TDRD12: variants seen among roughly 807,000 people sequenced by gnomAD.
TDRD12 encodes the protein putative ATP-dependent RNA helicase TDRD12.
TDRD12 carries 158 observed loss-of-function variants against 133.5 expected under a neutral mutation model. The ratio of observed to expected loss-of-function variants is 1.18; its 90% confidence interval spans 1.04 to 1.35. The LOEUF (loss-of-function observed/expected upper bound fraction) is 1.35, where lower values mean the gene tolerates loss of function less well. TDRD12 is among the 40% of genes most tolerant of loss of function. The probability of loss-of-function intolerance (pLI) is 0.00; values close to 1 mark genes in which losing one functional copy is unlikely to be tolerated. For synonymous variants in TDRD12, 460 were observed against 477.9 expected (o/e 0.96, Z 0.49); for missense variants, 1,443 against 1,321.3 (o/e 1.09, Z -1.43).
intron 14 of TDRD12, among the ~76,000 whole-genome samples, chr19:32,797,458 T>C (rs1286756328): frequency 1.3e-5 from 2 of 152,160 alleles, no homozygotes; most frequent in Non-Finnish European, 2.9e-5. Flanking sequence ...TCCTCACCTC[T>C]GAAGTGAAGC....
At chr19:32,807,733 G>C (rs1161242943) in intron 22 of TDRD12, 85 bp downstream of exon 22, 8 of 974,030 alleles carry the variant, frequency 8.2e-6, no homozygotes, top group Non-Finnish European at 1.2e-5. Flanking sequence ...GATCTTAGTA[G>C]ATGTCATGGT....
chr19:32,739,290 C>A (rs181839402), intron 3 of TDRD12, among the ~76,000 whole-genome samples: 1 of 151,746 alleles, frequency 6.6e-6, no homozygotes, highest in Non-Finnish European at 1.5e-5. Flanking sequence ...TCTGCATCTC[C>A]TGGCTACTCT....
intron 10 of TDRD12, among the ~76,000 whole-genome samples, chr19:32,776,465 T>TA (rs1970588414): frequency 6.6e-6 from 1 of 152,148 alleles, no homozygotes; most frequent in Non-Finnish European, 1.5e-5. Context: ...TCCCCACACT[T>TA]TCTGGTTTAA....
intron 13 of TDRD12, among the ~76,000 whole-genome samples, chr19:32,792,550 G>C (rs548399779): frequency 1.3e-5 from 2 of 152,276 alleles, no homozygotes; most frequent in East Asian, 3.9e-4. Context: ...GAGGAAAAAG[G>C]CAAAGAGACG....
chr19:32,801,788 G>T, exon 19 of TDRD12: 2 of 1,461,110 alleles, frequency 1.4e-6, no homozygotes, highest in South Asian at 1.3e-5. Flanking sequence ...TTTGCTTGAA[G>T]ATGCATAAAG....
chr19:32,815,738 G>C, intron 26 of TDRD12, 118 bp downstream of exon 26: 1 of 992,018 alleles, frequency 1.0e-6, no homozygotes, highest in Non-Finnish European at 1.4e-6. Context: ...GCTCACACCT[G>C]TAATCCCAGC....
chr19:32,818,419 G>GT (rs1967261419), intron 27 of TDRD12, among the ~76,000 whole-genome samples: 1 of 152,240 alleles, frequency 6.6e-6, no homozygotes, highest in Non-Finnish European at 1.5e-5. Flanking sequence ...CCATGAGGGG[G>GT]TTTTGAGCAG....
At position 32,798,310 on chromosome 19, in the gene TDRD12, G is replaced by A. The variant is rs1238481679; in HGVS notation, c.1633G>A (p.Asp545Asn). The change falls in exon 16 of 28, where the codon GAT (aspartate) becomes AAT (asparagine). Residue 545 changes from aspartate (D) to asparagine (N), a missense_variant and splice_region_variant. Coordinates refer to ENST00000444215, the Ensembl canonical transcript of TDRD12. The stretch of plus-strand genomic sequence containing the variant: ...TTCACTTTTTTTTTTAAATGCAGGT[G>A]ATGTGATTGTTACGACCCCATACAG... 2.0e-6 allele frequency: 3 copies of A among 1,528,712 alleles called. No homozygotes were observed. The African/African-American group carries it at 4.1e-5, about 21-fold the overall frequency. 94.7% of individuals were successfully genotyped at this position (1,528,712 alleles called of 1,614,324 possible).
At chr19:32,744,436 G>T (rs1969528886) in intron 4 of TDRD12, among the ~76,000 whole-genome samples, 1 of 135,590 alleles carries the variant, frequency 7.4e-6, no homozygotes, top group Non-Finnish European at 1.5e-5. Flanking sequence ...GGAGGTGGAG[G>T]TTGCAGTGAG....
intron 11 of TDRD12, 133 bp from the exon 12 acceptor site, chr19:32,790,398 C>G (rs1354214510): frequency 3.5e-6 from 3 of 850,482 alleles, no homozygotes; most frequent in Non-Finnish European, 5.4e-6. Context: ...CAGAACAGAA[C>G]AGGCAGCAGT....
chr19:32,786,973 G>A lies in TDRD12; in HGVS notation c.1122-3558G>A, dbSNP rs151127767. Among the ~76,000 whole-genome samples, 88 of 152,252 alleles carry A rather than the reference G, an allele frequency of 5.8e-4. No individual in the cohort carries two copies. In the East Asian group the frequency reaches 0.016, roughly 27 times the overall value. ...CATCCAGTTTTGTTCTGTTGCTGGCGAGGAGTTGTGTTCCTTTGGAGGAGA... is the reference window on the plus strand; with the variant it reads ...CATCCAGTTTTGTTCTGTTGCTGGCAAGGAGTTGTGTTCCTTTGGAGGAGA... On this transcript the variant is annotated intron_variant, in intron 11 of 27. Transcript: ENST00000444215.
downstream of TDRD12, chr19:32,821,397 T>TGC: frequency 3.2e-6 from 1 of 311,392 alleles, no homozygotes; most frequent in Non-Finnish European, 5.6e-6. Context: ...TGTGTGTGTG[T>TGC]GTGTGTGTGT....
chr19:32,777,858 T>TGTATATA (rs59723327), intron 11 of TDRD12, among the ~76,000 whole-genome samples: 1 of 19,482 alleles, frequency 5.1e-5, no homozygotes, highest in Non-Finnish European at 8.5e-5. Context: ...TATATATATA[T>TGTATATA]TTTTTTTTTT....
At chr19:32,814,526 T>G (rs1295918480) in intron 25 of TDRD12, among the ~76,000 whole-genome samples, 3 of 152,204 alleles carry the variant, frequency 2.0e-5, no homozygotes, top group Non-Finnish European at 1.5e-5. Flanking sequence ...AGAGAAAATA[T>G]GGATTACAAA....
downstream of TDRD12, among the ~76,000 whole-genome samples, chr19:32,823,255 G>A (rs561173126): frequency 1.3e-5 from 2 of 152,348 alleles, no homozygotes; most frequent in South Asian, 2.1e-4. Context: ...AGGAGGAGCC[G>A]CAGAGGTGGC....
intron 14 of TDRD12, among the ~76,000 whole-genome samples, 152 bp downstream of exon 14, chr19:32,794,965 A>G (rs1220942700): frequency 1.3e-5 from 2 of 152,176 alleles, no homozygotes; most frequent in Non-Finnish European, 2.9e-5. Context: ...GTCCTTTCCC[A>G]TTCCAATTAC....
chr19:32,737,475 G>A (rs1245405793), intron 2 of TDRD12, among the ~76,000 whole-genome samples: 1 of 152,046 alleles, frequency 6.6e-6, no homozygotes, highest in Non-Finnish European at 1.5e-5. Context: ...AAAGTGCTGG[G>A]ACCACAGGCG....
chr19:32,798,996 A>G (rs1234236304), intron 16 of TDRD12, among the ~76,000 whole-genome samples: 1 of 152,232 alleles, frequency 6.6e-6, no homozygotes, highest in Non-Finnish European at 1.5e-5. Context: ...TTGTTTTACA[A>G]CTGTCTTAAT....
chr19:32,814,292 C>T (rs934120978), intron 25 of TDRD12, among the ~76,000 whole-genome samples: 1 of 152,188 alleles, frequency 6.6e-6, no homozygotes, highest in Non-Finnish European at 1.5e-5. Context: ...CTCTCCACGG[C>T]TGCTGGCACC....
Sources: gnomAD v4.1 joint callset for allele counts (sites outside exome capture counted in the v4.1 genomes callset) on GRCh38, gnomAD v4.1.1 for gene constraint, MANE v1.5 for transcripts, NCBI Gene and HGNC (gene_info 2026-07-23, HGNC 2026-07-21) for gene names.